Variants in DLGAP2 observed in about 807,000 individuals in gnomAD.
DLGAP2 encodes the protein disks large-associated protein 2.
In DLGAP2, 26 loss-of-function variants were observed where a neutral mutation model predicts 100.3. The ratio of observed to expected loss-of-function variants is 0.26; its 90% CI spans 0.19 to 0.36. DLGAP2 has a LOEUF of 0.36. Among genes scored for constraint, DLGAP2 ranks in the 10% least tolerant of loss-of-function variants. DLGAP2 has a pLI of 1.00. For synonymous variants in DLGAP2, 886 were observed against 630.1 expected, an observed-to-expected ratio of 1.41 and a Z score of -6.08; for missense variants, 1,858 against 1,453.2, an observed-to-expected ratio of 1.28 and a Z score of -4.53.
chr8:1,529,269 G>A (rs1025625685), intron 4 of DLGAP2, among the ~76,000 whole-genome samples: 1 of 152,174 alleles, frequency 6.6e-6, no homozygotes, highest in Non-Finnish European at 1.5e-5. Context: ...TCACTATCAT[G>A]AGAACAGCAT....
chr8:1,107,097 C>G (rs1366820231), intron 2 of DLGAP2, among the ~76,000 whole-genome samples: 1 of 152,160 alleles, frequency 6.6e-6, no homozygotes, highest in Admixed American at 6.5e-5. Context: ...GTGTGAGTTG[C>G]TCACCTGCGG....
intron 1 of DLGAP2, among the ~76,000 whole-genome samples, chr8:905,379 C>T (rs371967860): frequency 6.6e-6 from 1 of 152,068 alleles, no homozygotes; most frequent in Non-Finnish European, 1.5e-5. Context: ...ACAGCTGCCC[C>T]GGGAACCCCA....
chr8:1,359,887 A>G (rs1242329673), intron 3 of DLGAP2, among the ~76,000 whole-genome samples: 3 of 152,224 alleles, frequency 2.0e-5, no homozygotes, highest in Non-Finnish European at 4.4e-5. Flanking sequence ...TAAATTTGTT[A>G]AAGAAAATCT....
At chr8:1,349,089 G>A (rs186518534) in intron 3 of DLGAP2, among the ~76,000 whole-genome samples, 177 of 151,744 alleles carry the variant, frequency 1.2e-3, no homozygotes, top group African/African-American at 3.8e-3. Flanking sequence ...GCAGTGTGCT[G>A]CTCAGAGAGT....
intron 3 of DLGAP2, among the ~76,000 whole-genome samples, chr8:1,360,494 G>C (rs1801959129): frequency 6.6e-6 from 1 of 152,054 alleles, no homozygotes; most frequent in African/African-American, 2.4e-5. Context: ...ACTGCATGCG[G>C]ACGTGGCTCA....
intron 4 of DLGAP2, among the ~76,000 whole-genome samples, chr8:1,527,746 C>G (rs1800841114): frequency 6.6e-6 from 1 of 152,166 alleles, no homozygotes; most frequent in Non-Finnish European, 1.5e-5. Context: ...GGGTCAAGGA[C>G]AAGCAGGACT....
intron 1 of DLGAP2, chr8:738,589 G>A (rs1345433213): frequency 6.6e-6 from 1 of 152,016 alleles, no homozygotes; most frequent in Non-Finnish European, 1.5e-5. Flanking sequence ...GATTGCAGGA[G>A]AAATAATGAG....
intron 2 of DLGAP2, among the ~76,000 whole-genome samples, chr8:1,245,407 C>T (rs556519218): frequency 2.7e-4 from 41 of 152,308 alleles, no homozygotes; most frequent in African/African-American, 8.7e-4. Context: ...GGAATCTTCT[C>T]TAGCAATAAA....
chr8:850,549 A>G (rs1206769595), intron 1 of DLGAP2, among the ~76,000 whole-genome samples: 1 of 152,202 alleles, frequency 6.6e-6, no homozygotes, highest in Non-Finnish European at 1.5e-5. Flanking sequence ...GTATGTATCT[A>G]TGTTTATGTA....
chr8:1,388,279 G>A (rs113132796), intron 3 of DLGAP2, among the ~76,000 whole-genome samples: 5 of 112,772 alleles, frequency 4.4e-5, no homozygotes, highest in Admixed American at 9.4e-5. Context: ...CGCTGGTTCA[G>A]GTGTCAGGGC....
chr8:1,339,295 G>A (rs1049118734), intron 3 of DLGAP2, among the ~76,000 whole-genome samples: 15 of 150,540 alleles, frequency 1.0e-4, no homozygotes, highest in African/African-American at 2.7e-4. Flanking sequence ...TGACCTCAGT[G>A]AGGCATCAGG....
intron 3 of DLGAP2, among the ~76,000 whole-genome samples, chr8:1,441,069 G>C (rs1247656578): frequency 6.6e-6 from 1 of 152,140 alleles, no homozygotes; most frequent in Non-Finnish European, 1.5e-5. Context: ...AGATGCTGAA[G>C]GGAAAAGTCT....
chr8:941,831 G>T (rs994396088), intron 2 of DLGAP2, among the ~76,000 whole-genome samples: 15 of 145,534 alleles, frequency 1.0e-4, no homozygotes, highest in South Asian at 6.5e-4. Flanking sequence ...TTTTTTTTTT[G>T]AAAATCCTCC....
chr8:1,655,027 C>T (rs1233186697), intron 8 of DLGAP2, among the ~76,000 whole-genome samples: 1 of 152,230 alleles, frequency 6.6e-6, no homozygotes, highest in African/African-American at 2.4e-5. Context: ...GCTGACATCA[C>T]TTCATTTTAC....
chr8:1,216,240 T>G (rs932280191), intron 2 of DLGAP2, among the ~76,000 whole-genome samples: 1 of 152,192 alleles, frequency 6.6e-6, no homozygotes, highest in Non-Finnish European at 1.5e-5. Flanking sequence ...AACTGAGGTC[T>G]CAATTACTCT....
intron 1 of DLGAP2, among the ~76,000 whole-genome samples, chr8:744,137 G>A (rs995212923): frequency 1.1e-4 from 17 of 152,272 alleles, no homozygotes; most frequent in East Asian, 7.8e-4. Flanking sequence ...ACCCAGCGCC[G>A]CTTCCCTCTT....
chr8:852,493 G>C (rs566440079), intron 1 of DLGAP2, among the ~76,000 whole-genome samples: 1 of 152,258 alleles, frequency 6.6e-6, no homozygotes, highest in South Asian at 2.1e-4. Flanking sequence ...TGAATTATTA[G>C]CTTGATTTTA....
chr8:1,377,227 C>T (rs1321408170), intron 3 of DLGAP2, among the ~76,000 whole-genome samples: 1 of 152,222 alleles, frequency 6.6e-6, no homozygotes, highest in Non-Finnish European at 1.5e-5. Flanking sequence ...GTGTTTGGGG[C>T]CAGCCAGGAG....
intron 4 of DLGAP2, among the ~76,000 whole-genome samples, chr8:1,524,570 C>G (rs941359356): frequency 1.3e-5 from 2 of 152,118 alleles, no homozygotes; most frequent in African/African-American, 4.8e-5. Context: ...GGCATGCAAA[C>G]CCCATCTTCT....
Sources: allele counts gnomAD v4.1 joint callset (sites outside exome capture counted in the v4.1 genomes callset), GRCh38; gene constraint gnomAD v4.1.1; transcripts MANE v1.5; gene names NCBI Gene and HGNC (gene_info 2026-07-23, HGNC 2026-07-21).